The following COL23A1 variants were observed in gnomAD, a reference collection of about 807,000 sequenced individuals.
The protein encoded by COL23A1 is collagen alpha-1(XXIII) chain.
COL23A1 carries 97 observed loss-of-function variants against 99.3 expected under a neutral mutation model. That is an observed-to-expected ratio of 0.98 (90% CI 0.83 to 1.16). The LOEUF is 1.16. Among genes scored for constraint, COL23A1 ranks in the 50% most tolerant of loss-of-function variants. The pLI is 0.00. For missense variants in COL23A1, 762 were observed against 757.4 expected (o/e 1.01, Z -0.07); for synonymous variants, 320 against 308.2 (o/e 1.04, Z -0.40).
chr5:178,249,031 TG>T, intron 19 of COL23A1, 85 bp downstream of exon 19: 2 of 1,390,596 alleles, frequency 1.4e-6, no homozygotes, highest in South Asian at 1.2e-5. Context: ...GGTCACGCCC[TG>T]GCCTCCCCAC....
intron 2 of COL23A1, among the ~76,000 whole-genome samples, chr5:178,517,633 C>A (rs1759612574): frequency 7.1e-6 from 1 of 141,208 alleles, no homozygotes; most frequent in Non-Finnish European, 1.5e-5. Flanking sequence ...ATGATCTCAG[C>A]TCACTGCAAC....
In COL23A1 at chr5:178,555,498, G is replaced by A. The variant is rs1039491107; in HGVS notation, c.361+5184C>T. Among the ~76,000 whole-genome samples, 5 of 152,208 alleles carry A rather than the reference G, an allele frequency of 3.3e-5. No homozygotes were observed. In the East Asian group the frequency reaches 5.8e-4, roughly 18 times the overall value. ...AGACAAGCGGAGAAGAGCTGAGAGA[G>A]GAGAGCGAGCCCTGAGCCCAGATGG... On this transcript the variant is annotated intron_variant, in intron 2 of 28. Coordinates refer to ENST00000390654, the MANE Select transcript of COL23A1 (RefSeq NM_173465.4).
intron 1 of COL23A1, among the ~76,000 whole-genome samples, chr5:178,586,701 G>A (rs1386950822): frequency 5.3e-5 from 8 of 151,918 alleles, no homozygotes; most frequent in African/African-American, 9.7e-5. Context: ...TGTTTTGGGA[G>A]CCAGGAAATG....
chr5:178,494,242 G>A (rs1002438949), intron 2 of COL23A1, among the ~76,000 whole-genome samples: 1 of 152,222 alleles, frequency 6.6e-6, no homozygotes, highest in South Asian at 2.1e-4. Flanking sequence ...ACAAGGACAT[G>A]TGAGATTTTG....
intron 1 of COL23A1, among the ~76,000 whole-genome samples, chr5:178,581,893 G>A (rs1763678928): frequency 6.6e-6 from 1 of 152,144 alleles, no homozygotes; most frequent in South Asian, 2.1e-4. Flanking sequence ...GCATTCTGTG[G>A]TTAAAATTAG....
intron 2 of COL23A1, among the ~76,000 whole-genome samples, chr5:178,410,278 T>G (rs1764991595): frequency 6.6e-6 from 1 of 152,264 alleles, no homozygotes; most frequent in South Asian, 2.1e-4. Context: ...CTTAATATTG[T>G]TAAGATGGCA....
At chr5:178,253,940 G>C (rs1340302311) in intron 16 of COL23A1, among the ~76,000 whole-genome samples, 1 of 151,146 alleles carries the variant, frequency 6.6e-6, no homozygotes, top group Non-Finnish European at 1.5e-5. Context: ...GAGGTGGCAG[G>C]ATCACTTGAG....
At chr5:178,543,958 C>T (rs1021756876) in intron 2 of COL23A1, among the ~76,000 whole-genome samples, 1 of 152,052 alleles carries the variant, frequency 6.6e-6, no homozygotes, top group African/African-American at 2.4e-5. Context: ...CTCACAGGGT[C>T]GTAGGGGTGA....
chr5:178,494,654 G>A (rs1758104727), intron 2 of COL23A1, among the ~76,000 whole-genome samples: 1 of 152,178 alleles, frequency 6.6e-6, no homozygotes, highest in African/African-American at 2.4e-5. Context: ...CAGCCTGGGC[G>A]ACATCCATCT....
Position 178,391,020 on chromosome 5 carries a change from G to T in COL23A1, c.362-84101C>A, listed in dbSNP as rs906565538. On this transcript the variant is annotated intron_variant, in intron 2 of 28. Coordinates refer to ENST00000390654, the MANE Select transcript of COL23A1 (RefSeq NM_173465.4). ...CAGTTTGTGGCCTGTTAGGAACCGG[G>T]CCTCACAGCAGGAGGTGAGTGGCAG... Among the ~76,000 whole-genome samples the T allele has an allele frequency of 5.9e-5, 9 of 152,354 alleles. No individual in the cohort carries two copies. In the South Asian group the frequency reaches 1.5e-3, roughly 25 times the overall value.
intron 2 of COL23A1, among the ~76,000 whole-genome samples, chr5:178,518,526 G>GCT (rs1759714193): frequency 6.9e-6 from 1 of 145,346 alleles, no homozygotes; most frequent in Admixed American, 6.8e-5. Context: ...GGGCAGAGGG[G>GCT]CTCCTCACTT....
At chr5:178,516,111 C>A (rs1759494073) in intron 2 of COL23A1, among the ~76,000 whole-genome samples, 1 of 152,206 alleles carries the variant, frequency 6.6e-6, no homozygotes. Context: ...CTGGGCGTTC[C>A]ACCTGCCCCG....
intron 1 of COL23A1, among the ~76,000 whole-genome samples, chr5:178,577,697 C>A (rs1380010038): frequency 6.6e-6 from 1 of 152,262 alleles, no homozygotes; most frequent in Non-Finnish European, 1.5e-5. Flanking sequence ...TGCGCCCCCG[C>A]GGGGCAGCCC....
rs1466325012 is a variant in COL23A1, at chr5:178,281,322, C to T, written c.441+7002G>A. Reference sequence around the variant, plus strand: ...TGTGAACGTGCGGTGCTCCATGGGCCTTTCTTGTTCACTTGATTAATTCCA... The same window carrying T: ...TGTGAACGTGCGGTGCTCCATGGGCTTTTCTTGTTCACTTGATTAATTCCA... On this transcript the variant is annotated intron_variant, in intron 5 of 28. Coordinates refer to ENST00000390654, the MANE Select transcript of COL23A1 (RefSeq NM_173465.4). The surrounding 1 kb of genome is among the most constrained non-coding windows in gnomAD (Gnocchi z 4.0). Among the ~76,000 whole-genome samples, 1 of 151,784 alleles carries T rather than the reference C, an allele frequency of 6.6e-6. No homozygotes were observed. The highest frequency in any genetic ancestry group is 2.4e-5 in the African/African-American group (1 of 41,318).
In COL23A1 at chr5:178,340,648, C is replaced by T. The variant is rs1370477347; in HGVS notation, c.362-33729G>A. 6.6e-6 allele frequency among the ~76,000 whole-genome samples: 1 copy of T among 152,208 alleles called. No individual in the cohort carries two copies. The highest frequency in any genetic ancestry group is 1.5e-5 in the Non-Finnish European group (1 of 68,036). The stretch of plus-strand genomic sequence containing the variant: ...GGTCCCAGAGCACACAGGGAATACC[C>T]ATCAAGGCTCTGCATGTGTTTGGCT... On this transcript the variant is annotated intron_variant, in intron 2 of 28. Coordinates refer to ENST00000390654, the MANE Select transcript of COL23A1 (RefSeq NM_173465.4). This position sits in a 1 kb window ranked among gnomAD's most constrained non-coding sequence, Gnocchi z 4.7.
intron 2 of COL23A1, among the ~76,000 whole-genome samples, chr5:178,502,292 C>T (rs534556835): frequency 0.014 from 2,092 of 152,210 alleles, 26 homozygotes; most frequent in African/African-American, 0.029. Flanking sequence ...CCACCACGCC[C>T]GGCTAATTTT....
intron 2 of COL23A1, among the ~76,000 whole-genome samples, chr5:178,458,223 G>A (rs1755907163): frequency 2.3e-4 from 2 of 8,840 alleles, no homozygotes; most frequent in South Asian, 1.6e-3. Flanking sequence ...GGTAAATAAG[G>A]GAGAAAAAAT....
chr5:178,501,137 T>TA (rs989980547), intron 2 of COL23A1, among the ~76,000 whole-genome samples: 1 of 152,120 alleles, frequency 6.6e-6, no homozygotes, highest in Non-Finnish European at 1.5e-5. Context: ...AGAAGACTCT[T>TA]ACCATGAAGA....
chr5:178,463,385 C>G (rs1756231769), intron 2 of COL23A1, among the ~76,000 whole-genome samples: 1 of 152,172 alleles, frequency 6.6e-6, no homozygotes, highest in East Asian at 1.9e-4. Context: ...GTATTCTCTT[C>G]CTGGGCTGAG....
Sources: gnomAD v4.1 joint callset for allele counts (sites outside exome capture counted in the v4.1 genomes callset) on GRCh38, gnomAD v4.1.1 for gene constraint, Gnocchi (gnomAD v3.1) non-coding constraint, MANE v1.5 for transcripts, NCBI Gene and HGNC (gene_info 2026-07-23, HGNC 2026-07-21) for gene names.